Variants in PAX5 observed in about 807,000 individuals in gnomAD.
The protein encoded by PAX5 is paired box 5, also known as paired box protein Pax-5.
PAX5 carries 9 observed loss-of-function variants against 43.7 expected under a neutral mutation model. The observed-to-expected ratio is 0.21, with a 90% CI of 0.12 to 0.36. The LOEUF (loss-of-function observed/expected upper bound fraction) is 0.36. Ranked by LOEUF, PAX5 falls within the 10% of genes least tolerant of loss-of-function variation. The pLI is 1.00. For missense variants in PAX5, 383 were observed against 532.7 expected (o/e 0.72, Z 2.77); for synonymous variants, 228 against 214.3 (o/e 1.06, Z -0.56).
chr9:36,937,103 G>C (rs1015762081), intron 6 of PAX5, among the ~76,000 whole-genome samples: 1 of 152,156 alleles, frequency 6.6e-6, no homozygotes, highest in Non-Finnish European at 1.5e-5. Flanking sequence ...TTGCCATTCA[G>C]AAGACTCTAC....
At chr9:36,986,010 G>T (rs755910067) in intron 5 of PAX5, among the ~76,000 whole-genome samples, 50 of 152,136 alleles carry the variant, frequency 3.3e-4, no homozygotes, top group Non-Finnish European at 6.2e-4. Flanking sequence ...CTGCGCGTCC[G>T]CCATCCGAAC....
intron 8 of PAX5, among the ~76,000 whole-genome samples, chr9:36,864,630 A>G (rs954935883): frequency 6.6e-6 from 1 of 152,198 alleles, no homozygotes; most frequent in Admixed American, 6.5e-5. Flanking sequence ...GGTGGGCCTG[A>G]GCGTGGGCCA....
At chr9:36,884,050 A>T (rs1207090471) in intron 7 of PAX5, among the ~76,000 whole-genome samples, 1 of 152,208 alleles carries the variant, frequency 6.6e-6, no homozygotes, top group Middle Eastern at 3.2e-3. Context: ...TTTGTTTGTT[A>T]TTCTTTTTGG....
At chr9:36,973,024 T>C (rs562380061) in intron 5 of PAX5, among the ~76,000 whole-genome samples, 2 of 51,512 alleles carry the variant, frequency 3.9e-5, no homozygotes, top group Admixed American at 4.5e-4. Context: ...CGAGATTCAG[T>C]CTCAAAAAAA....
At chr9:36,937,636 G>A (rs1831673101) in intron 6 of PAX5, among the ~76,000 whole-genome samples, 1 of 152,110 alleles carries the variant, frequency 6.6e-6, no homozygotes, top group Non-Finnish European at 1.5e-5. Context: ...CTTTGACATG[G>A]CCATGCTTTC....
chr9:36,984,139 G>A (rs1836174888), intron 5 of PAX5, among the ~76,000 whole-genome samples: 1 of 152,198 alleles, frequency 6.6e-6, no homozygotes, highest in Admixed American at 6.5e-5. Context: ...TCTCTCAGCT[G>A]TCTATACCTA....
chr9:36,935,967 G>T (rs1172135616), intron 6 of PAX5, among the ~76,000 whole-genome samples: 2 of 152,194 alleles, frequency 1.3e-5, no homozygotes, highest in African/African-American at 4.8e-5. Flanking sequence ...GGACTGGGGC[G>T]TATGATGCTT....
intron 8 of PAX5, among the ~76,000 whole-genome samples, chr9:36,856,185 C>T (rs1375174884): frequency 6.6e-6 from 1 of 152,240 alleles, no homozygotes; most frequent in Non-Finnish European, 1.5e-5. Flanking sequence ...GTGTGCCCAG[C>T]AGATGTTCCT....
Position 36,855,794 on chromosome 9 carries a change from C to T in PAX5, c.1013-8865G>A, listed in dbSNP as rs77108139. Among the ~76,000 whole-genome samples, 29 of 152,346 alleles carry T rather than the reference C, an allele frequency of 1.9e-4. No homozygotes were observed. The East Asian group carries it at 4.6e-3, about 24-fold the overall frequency. On this transcript the variant is annotated intron_variant, in intron 8 of 9. Coordinates refer to ENST00000358127, the MANE Select transcript of PAX5 (RefSeq NM_016734.3). ...CCAGTTGTTCTGCACACCTACTCCA[C>T]GGGGCCGTTTCCATCTCTCATGCTG...
intron 8 of PAX5, among the ~76,000 whole-genome samples, chr9:36,860,427 G>A (rs1824103174): frequency 6.6e-6 from 1 of 152,148 alleles, no homozygotes; most frequent in Non-Finnish European, 1.5e-5. Flanking sequence ...GAGTAAGCGG[G>A]GGGAGGCAGA....
intron 5 of PAX5, among the ~76,000 whole-genome samples, chr9:36,971,338 T>G (rs1834913121): frequency 6.6e-6 from 1 of 152,168 alleles, no homozygotes; most frequent in African/African-American, 2.4e-5. Context: ...GATTATATGC[T>G]CAGAGACAGC....
chr9:36,847,310 C>A (rs1268062359), intron 8 of PAX5, among the ~76,000 whole-genome samples: 1 of 152,180 alleles, frequency 6.6e-6, no homozygotes, highest in Non-Finnish European at 1.5e-5. Flanking sequence ...TTCAAGGCTG[C>A]AGACTGCTTG....
intron 8 of PAX5, among the ~76,000 whole-genome samples, chr9:36,869,375 T>G (rs1420790552): frequency 6.6e-6 from 1 of 152,224 alleles, no homozygotes; most frequent in East Asian, 1.9e-4. Flanking sequence ...TAACATATGT[T>G]TCTCTCTCAA....
At chr9:37,020,603 A>G in intron 2 of PAX5, 33 bp downstream of exon 2, 2 of 1,608,112 alleles carry the variant, frequency 1.2e-6, no homozygotes, top group Non-Finnish European at 1.7e-6. Flanking sequence ...TTTATTTGAA[A>G]GATCAAGGGA....
intron 5 of PAX5, among the ~76,000 whole-genome samples, chr9:36,994,265 G>GGCGGGGAGAGTGGCCCA: frequency 6.6e-6 from 1 of 152,024 alleles, no homozygotes; most frequent in South Asian, 2.1e-4. Context: ...AGAGTGGCCC[G>GGCGGGGAGAGTGGCCCA]CCAGGCAGGG....
chr9:36,869,939 A>G (rs7860544), intron 8 of PAX5, among the ~76,000 whole-genome samples: 1,058 of 28,876 alleles, frequency 0.037, no homozygotes, highest in African/African-American at 0.051. Context: ...TGGATGGATA[A>G]ATGGATGGAT....
intron 5 of PAX5, among the ~76,000 whole-genome samples, chr9:36,982,758 T>G (rs1836051473): frequency 6.6e-6 from 1 of 152,166 alleles, no homozygotes; most frequent in Non-Finnish European, 1.5e-5. Context: ...CCTCCACATC[T>G]AAATCAGGCT....
At chr9:37,020,225 G>GA (rs1839739426) in intron 2 of PAX5, among the ~76,000 whole-genome samples, 1 of 151,990 alleles carries the variant, frequency 6.6e-6, no homozygotes, top group Non-Finnish European at 1.5e-5. Flanking sequence ...ACCCAAAACT[G>GA]AAAATAACAG....
chr9:36,891,926 G>A (rs114870466), intron 7 of PAX5, among the ~76,000 whole-genome samples: 13 of 152,086 alleles, frequency 8.5e-5, no homozygotes, highest in African/African-American at 1.4e-4. Context: ...TGAATTGACC[G>A]CACCCACCTC....
Sources: gnomAD v4.1 joint callset for allele counts (sites outside exome capture counted in the v4.1 genomes callset) on GRCh38, gnomAD v4.1.1 for gene constraint, MANE v1.5 for transcripts, NCBI Gene and HGNC (gene_info 2026-07-23, HGNC 2026-07-21) for gene names.